Variants in TCF4 observed in about 807,000 individuals in gnomAD.
TCF4 encodes transcription factor 4, also known as SL3-3 enhancer factor 2.
TCF4 carries 3 observed loss-of-function variants against 82.1 expected under a neutral mutation model. The ratio of observed to expected loss-of-function variants is 0.04; its 90% CI spans 0.02 to 0.09. TCF4 has a LOEUF of 0.09. Ranked by LOEUF, TCF4 falls within the 10% of genes least tolerant of loss-of-function variation. The pLI is 1.00. For synonymous variants in TCF4, 276 were observed against 309.6 expected, an observed-to-expected ratio of 0.89 and a Z score of 1.14; for missense variants, 518 against 852.7, an observed-to-expected ratio of 0.61 and a Z score of 4.89.
chr18:55,307,829 T>C (rs2070879959), intron 8 of TCF4, among the ~76,000 whole-genome samples: 1 of 152,218 alleles, frequency 6.6e-6, no homozygotes, highest in South Asian at 2.1e-4. Context: ...AGGCTTCCAG[T>C]GCTCCCAATG....
intron 8 of TCF4, among the ~76,000 whole-genome samples, chr18:55,340,859 A>G (rs778410756): frequency 6.6e-6 from 1 of 152,172 alleles, no homozygotes; most frequent in African/African-American, 2.4e-5. Flanking sequence ...TCAAACCCCA[A>G]TGAGTACTTA....
chr18:55,449,888 G>T (rs965215496), intron 5 of TCF4, among the ~76,000 whole-genome samples: 1 of 151,708 alleles, frequency 6.6e-6, no homozygotes, highest in South Asian at 2.1e-4. Flanking sequence ...TCACTTCCAC[G>T]TTCTGCCAGA....
chr18:55,559,144 C>T (rs2097332766), intron 3 of TCF4, among the ~76,000 whole-genome samples: 1 of 147,920 alleles, frequency 6.8e-6, no homozygotes, highest in Admixed American at 6.7e-5. Flanking sequence ...AACACGTTCC[C>T]CAAAGCAAAA....
At chr18:55,317,825 C>T (rs1268045238) in intron 8 of TCF4, among the ~76,000 whole-genome samples, 1 of 151,898 alleles carries the variant, frequency 6.6e-6, no homozygotes, top group East Asian at 1.9e-4. Flanking sequence ...ATTCTTTGGC[C>T]TTGATATCAG....
intron 3 of TCF4, among the ~76,000 whole-genome samples, chr18:55,577,996 C>T (rs995880755): frequency 6.6e-6 from 1 of 152,082 alleles, no homozygotes; most frequent in Non-Finnish European, 1.5e-5. Context: ...ATAATTCAAT[C>T]AAGCTGGATT....
At position 55,228,174 on chromosome 18, in the gene TCF4, G is replaced by T. The variant is rs2046872773; in HGVS notation, c.*4+47C>A. On this transcript the variant is annotated intron_variant, in intron 19 of 19. Transcript: ENST00000354452. ...TCACTTTTATGGCTGATACACTGAT[G>T]AGAGTTTTGAATGATCGATCTCAGA... The T allele has an allele frequency of 2.5e-6, 4 of 1,611,888 alleles. No homozygotes were observed. The South Asian group carries it at 4.4e-5, about 18-fold the overall frequency.
rs919778447 is a variant in TCF4 at position 55,227,275 on chromosome 18, T to C, written c.*760A>G. Reference sequence around the variant, plus strand: ...AAAAAAAAAAAATCCATATTTACAGTAAAATCTTTCTTTTAAAAAAGTTAA... The same window carrying C: ...AAAAAAAAAAAATCCATATTTACAGCAAAATCTTTCTTTTAAAAAAGTTAA... On this transcript the variant is annotated 3_prime_UTR_variant, in exon 20 of 20. Transcript: ENST00000354452. 1.3e-5 allele frequency: 2 copies of C among 151,158 alleles called. No individual in the cohort carries two copies. Among genetic ancestry groups the C allele is most frequent in the Non-Finnish European group, 3.0e-5 (2 of 67,752 alleles). The allele number at this position is 151,158 out of a possible 1,614,324, so 9.4% of individuals were successfully genotyped here.
intron 6 of TCF4, among the ~76,000 whole-genome samples, chr18:55,398,599 A>G (rs1433920615): frequency 6.6e-6 from 1 of 152,190 alleles, no homozygotes; most frequent in African/African-American, 2.4e-5. Flanking sequence ...GTTAGAAGGA[A>G]GAGCTTCCAA....
intron 5 of TCF4, chr18:55,404,135 T>G: frequency 7.5e-6 from 5 of 663,766 alleles, no homozygotes; most frequent in Non-Finnish European, 9.9e-6. Context: ...ATTCCACCAA[T>G]AGACCCAGCA....
At chr18:55,350,728 G>C in intron 7 of TCF4, 146 bp downstream of exon 7, 1 of 1,055,870 alleles carries the variant, frequency 9.5e-7, no homozygotes, top group Non-Finnish European at 1.4e-6. Flanking sequence ...GTACTAGGGG[G>C]GAAGTCTCCA....
chr18:55,549,363 ACT>A (rs2097237914), intron 3 of TCF4, among the ~76,000 whole-genome samples: 1 of 152,062 alleles, frequency 6.6e-6, no homozygotes, highest in South Asian at 2.1e-4. Context: ...GCTTACTCTA[ACT>A]TTTTTACCTT....
At chr18:55,367,864 C>T (rs187032652) in intron 6 of TCF4, among the ~76,000 whole-genome samples, 73 of 152,294 alleles carry the variant, frequency 4.8e-4, no homozygotes, top group Middle Eastern at 3.4e-3. Context: ...GGAGAAGAAG[C>T]TTCATTAAAC....
In TCF4 at chr18:55,366,858, C is replaced by A. The variant is rs187773402; in HGVS notation, c.370-15855G>T. ...GGTCATTTTTTGATTTACTGCAGAG[C>A]ATGCTTATACACAAATTTCCATATT... is the stretch of plus-strand genomic sequence containing the variant. On this transcript the variant is annotated intron_variant, in intron 6 of 19. Coordinates refer to ENST00000354452, the MANE Select transcript of TCF4 (RefSeq NM_001083962.2). Among the ~76,000 whole-genome samples, 458 of 152,252 alleles carry A rather than the reference C, an allele frequency of 3.0e-3. 2 individuals carry two copies. Among genetic ancestry groups the A allele is most frequent in the Non-Finnish European group, 5.0e-3 (338 of 68,014 alleles).
At chr18:55,528,727 T>C (rs141249972) in intron 3 of TCF4, among the ~76,000 whole-genome samples, 1,747 of 152,324 alleles carry the variant, frequency 0.011, 15 homozygotes, top group Non-Finnish European at 0.013. Context: ...GGAATTTATG[T>C]CTCTTCATTA....
intron 8 of TCF4, among the ~76,000 whole-genome samples, chr18:55,318,477 T>A (rs2074694153): frequency 6.6e-6 from 1 of 152,112 alleles, no homozygotes; most frequent in Non-Finnish European, 1.5e-5. Context: ...GATCCGTTAG[T>A]ATTTAAACCT....
At chr18:55,510,488 G>C (rs186051536) in intron 3 of TCF4, 1 of 972,668 alleles carries the variant, frequency 1.0e-6, no homozygotes, top group African/African-American at 1.7e-5. Flanking sequence ...AATATGTCCA[G>C]CAATTCAAAC....
intron 6 of TCF4, among the ~76,000 whole-genome samples, chr18:55,371,148 TTCC>T (rs1257612300): frequency 2.0e-5 from 3 of 152,230 alleles, no homozygotes; most frequent in Non-Finnish European, 4.4e-5. Context: ...GGTATTTTTA[TTCC>T]TCCTCCACTT....
At chr18:55,519,061 A>G (rs1194592542) in intron 3 of TCF4, 1 of 152,214 alleles carries the variant, frequency 6.6e-6, no homozygotes, top group Non-Finnish European at 1.5e-5. Context: ...TGGAAACAGG[A>G]CATTATGAAA....
At chr18:55,358,415 G>A (rs760048947) in intron 6 of TCF4, among the ~76,000 whole-genome samples, 2 of 152,222 alleles carry the variant, frequency 1.3e-5, no homozygotes, top group Non-Finnish European at 1.5e-5. Context: ...GGCAAGGACG[G>A]TAGGTATAGC....
Sources: gnomAD v4.1 joint callset for allele counts (sites outside exome capture counted in the v4.1 genomes callset) on GRCh38, gnomAD v4.1.1 for gene constraint, MANE v1.5 for transcripts, NCBI Gene and HGNC (gene_info 2026-07-23, HGNC 2026-07-21) for gene names.